TRIM5: variants seen among roughly 807,000 people sequenced by gnomAD.
TRIM5 encodes tripartite motif-containing protein 5.
TRIM5 carries 31 observed loss-of-function variants against 35.6 expected under a neutral mutation model. That is an observed-to-expected ratio of 0.87 (90% confidence interval 0.65 to 1.18). The LOEUF is 1.18. TRIM5 is among the 50% of genes most tolerant of loss of function. The pLI, the probability that TRIM5 is intolerant of heterozygous loss-of-function variation, is 0.00. For synonymous variants in TRIM5, 243 were observed against 215.6 expected, an observed-to-expected ratio of 1.13 and a Z score of -1.11; for missense variants, 609 against 591.6, an observed-to-expected ratio of 1.03 and a Z score of -0.31.
At chr11:5,674,661 T>A (rs190537614) in intron 4 of TRIM5, among the ~76,000 whole-genome samples, 46 of 152,374 alleles carry the variant, frequency 3.0e-4, no homozygotes, top group African/African-American at 1.1e-3. Flanking sequence ...GGACTCAGTC[T>A]ACGAGCTATC....
At chr11:5,623,454 G>A in the TRIM5 span, among the ~76,000 whole-genome samples, 3 of 151,450 alleles carry the variant, frequency 2.0e-5, no homozygotes, top group Non-Finnish European at 2.9e-5. Context: ...TGCAACCTCC[G>A]CCTCCCGGGT....
At chr11:5,639,816 T>G in the TRIM5 span, among the ~76,000 whole-genome samples, 89,104 of 151,612 alleles carry the variant, frequency 0.59, 28,158 homozygotes, top group Non-Finnish European at 0.73. Context: ...CTTTCCAATA[T>G]AGAAGCTTTT....
At chr11:5,602,399 C>G in the TRIM5 span, among the ~76,000 whole-genome samples, 2 of 149,614 alleles carry the variant, frequency 1.3e-5, no homozygotes, top group Non-Finnish European at 3.0e-5. Flanking sequence ...GTCGAGATCA[C>G]GCCACTGCAC....
chr11:5,655,583 G>C, the TRIM5 span: 5 of 925,790 alleles, frequency 5.4e-6, no homozygotes, highest in African/African-American at 8.9e-5. Flanking sequence ...TCATTTCTTG[G>C]TCATCCTACA....
At chr11:5,626,507 G>C in the TRIM5 span, 1 of 152,166 alleles carries the variant, frequency 6.6e-6, no homozygotes, top group Non-Finnish European at 1.5e-5. Context: ...GAAATTAAAG[G>C]CTTTAATGGT....
the TRIM5 span, among the ~76,000 whole-genome samples, chr11:5,623,760 G>A: frequency 6.6e-6 from 1 of 152,040 alleles, no homozygotes; most frequent in African/African-American, 2.4e-5. Flanking sequence ...AGTAGTCAAA[G>A]CATATTCCCA....
the TRIM5 span, among the ~76,000 whole-genome samples, chr11:5,606,663 C>T: frequency 4.6e-5 from 7 of 152,112 alleles, no homozygotes; most frequent in Non-Finnish European, 7.3e-5. Flanking sequence ...TATTATTACC[C>T]TGATACTTTC....
At chr11:5,631,476 C>T in the TRIM5 span, among the ~76,000 whole-genome samples, 1 of 152,096 alleles carries the variant, frequency 6.6e-6, no homozygotes, top group Non-Finnish European at 1.5e-5. Flanking sequence ...TCTTATTTCT[C>T]AAGAATTTTG....
At chr11:5,657,500 TTTA>T in the TRIM5 span, among the ~76,000 whole-genome samples, 16 of 139,502 alleles carry the variant, frequency 1.1e-4, no homozygotes, top group East Asian at 1.4e-3. Flanking sequence ...TATATATATA[TTTA>T]TATATTATAT....
At chr11:5,616,013 C>T in the TRIM5 span, among the ~76,000 whole-genome samples, 11 of 146,234 alleles carry the variant, frequency 7.5e-5, no homozygotes, top group East Asian at 2.1e-4. Context: ...TGACGTGGCG[C>T]GATCTCGGCT....
At chr11:5,618,664 C>A in the TRIM5 span, among the ~76,000 whole-genome samples, 1 of 152,174 alleles carries the variant, frequency 6.6e-6, no homozygotes, top group African/African-American at 2.4e-5. Flanking sequence ...AAACTGTATA[C>A]ATTGCATATT....
chr11:5,652,308 T>A, the TRIM5 span, among the ~76,000 whole-genome samples: 1 of 152,234 alleles, frequency 6.6e-6, no homozygotes, highest in African/African-American at 2.4e-5. Flanking sequence ...GGTTTTATAT[T>A]TAATTCTTTA....
the TRIM5 span, chr11:5,632,469 A>T: frequency 6.2e-7 from 1 of 1,614,106 alleles, no homozygotes; most frequent in Non-Finnish European, 8.5e-7. Flanking sequence ...ACAAGGAGGC[A>T]GTGACCAGCA....
the TRIM5 span, among the ~76,000 whole-genome samples, chr11:5,591,822 G>C: frequency 6.6e-6 from 1 of 152,160 alleles, no homozygotes; most frequent in Non-Finnish European, 1.5e-5. Flanking sequence ...TCCTCAGTCT[G>C]AGCATTTGGG....
chr11:5,605,454 C>A, the TRIM5 span: 2 of 1,614,118 alleles, frequency 1.2e-6, no homozygotes, highest in Non-Finnish European at 1.7e-6. Context: ...GAAGAAGGGG[C>A]TACGAATTAT....
At chr11:5,679,633 A>G in intron 2 of TRIM5, 128 bp downstream of exon 2, 1 of 1,008,908 alleles carries the variant, frequency 9.9e-7, no homozygotes, top group Non-Finnish European at 1.4e-6. Flanking sequence ...GAAGTTAAGC[A>G]TAGCATGAAA....
the TRIM5 span, among the ~76,000 whole-genome samples, chr11:5,602,633 C>T: frequency 1.3e-5 from 2 of 151,570 alleles, no homozygotes; most frequent in African/African-American, 4.8e-5. Context: ...GTGCTTTTAA[C>T]ATTGAGGATA....
At chr11:5,682,718 G>T (rs1035291037) in intron 1 of TRIM5, among the ~76,000 whole-genome samples, 1 of 152,138 alleles carries the variant, frequency 6.6e-6, no homozygotes, top group African/African-American at 2.4e-5. Context: ...TCCCCCACAC[G>T]ACACCAAACA....
At chr11:5,650,945 G>C in the TRIM5 span, among the ~76,000 whole-genome samples, 2 of 152,212 alleles carry the variant, frequency 1.3e-5, no homozygotes, top group Admixed American at 1.3e-4. Flanking sequence ...GTATTGGCTT[G>C]ATCATATGGT....
Sources: gnomAD v4.1 joint callset for allele counts (sites outside exome capture counted in the v4.1 genomes callset) on GRCh38, gnomAD v4.1.1 for gene constraint, MANE v1.5 for transcripts, NCBI Gene and HGNC (gene_info 2026-07-23, HGNC 2026-07-21) for gene names.